CSMD1: variants seen among roughly 807,000 people sequenced by gnomAD.
The protein encoded by CSMD1 is CUB and sushi domain-containing protein 1.
In CSMD1, 213 loss-of-function variants were observed where a neutral mutation model predicts 417.5. The ratio of observed to expected loss-of-function variants is 0.51; its 90% CI spans 0.46 to 0.57. The LOEUF is 0.57. Among genes scored for constraint, CSMD1 ranks in the 20% least tolerant of loss-of-function variants. The pLI is 0.00. For missense variants in CSMD1, 6,923 were observed against 4,529.7 expected, an observed-to-expected ratio of 1.53 and a Z score of -15.17; for synonymous variants, 2,862 against 1,736.8, an observed-to-expected ratio of 1.65 and a Z score of -16.11.
chr8:4,879,921 CT>C (rs2116950400), intron 1 of CSMD1, among the ~76,000 whole-genome samples: 1 of 152,220 alleles, frequency 6.6e-6, no homozygotes, highest in East Asian at 1.9e-4. Context: ...ATCTCATTAA[CT>C]TCCCAACCAG....
intron 5 of CSMD1, among the ~76,000 whole-genome samples, chr8:3,910,347 G>T (rs1808383748): frequency 6.6e-6 from 1 of 152,236 alleles, no homozygotes; most frequent in East Asian, 1.9e-4. Context: ...CGACAGGGTG[G>T]CAGGTGCACC....
chr8:3,787,610 T>C (rs1799516107), intron 5 of CSMD1, among the ~76,000 whole-genome samples: 1 of 152,186 alleles, frequency 6.6e-6, no homozygotes, highest in Admixed American at 6.5e-5. Flanking sequence ...CAACAGTTAA[T>C]TCTGTATAAG....
chr8:4,623,326 G>A (rs1195018438), intron 2 of CSMD1, among the ~76,000 whole-genome samples: 14 of 152,052 alleles, frequency 9.2e-5, no homozygotes, highest in Non-Finnish European at 4.4e-5. Flanking sequence ...AAACTAAAAA[G>A]GCTGAGTACA....
chr8:4,011,731 A>G (rs935224574), intron 4 of CSMD1, among the ~76,000 whole-genome samples: 2 of 152,168 alleles, frequency 1.3e-5, no homozygotes, highest in Non-Finnish European at 2.9e-5. Context: ...AGTTATCAGC[A>G]TACTTTTTTC....
chr8:3,562,817 G>A (rs62475827), intron 10 of CSMD1, among the ~76,000 whole-genome samples: 1,600 of 151,786 alleles, frequency 0.011, 13 homozygotes, highest in Non-Finnish European at 0.016. Flanking sequence ...CAACTAAGGC[G>A]CACTAGGCTT....
At chr8:4,797,493 C>A (rs987904131) in intron 1 of CSMD1, among the ~76,000 whole-genome samples, 4 of 152,168 alleles carry the variant, frequency 2.6e-5, no homozygotes, top group African/African-American at 9.7e-5. Context: ...TCATTGTGGT[C>A]TTTGCCAGCA....
intron 5 of CSMD1, among the ~76,000 whole-genome samples, chr8:3,897,018 T>C (rs1807417534): frequency 6.6e-6 from 1 of 152,006 alleles, no homozygotes; most frequent in African/African-American, 2.4e-5. Context: ...AGCAACTTAC[T>C]TGCTCCCTGG....
chr8:3,182,552 G>C (rs1416345767), intron 36 of CSMD1, among the ~76,000 whole-genome samples: 2 of 149,194 alleles, frequency 1.3e-5, no homozygotes, highest in African/African-American at 4.9e-5. Context: ...CCCAGGCAAG[G>C]ACTCTGGCTG....
At chr8:4,791,107 G>GT (rs1797665170) in intron 1 of CSMD1, among the ~76,000 whole-genome samples, 1 of 152,086 alleles carries the variant, frequency 6.6e-6, no homozygotes, top group Non-Finnish European at 1.5e-5. Flanking sequence ...AGAAGAGACG[G>GT]GGAGAAGAGA....
intron 12 of CSMD1, among the ~76,000 whole-genome samples, chr8:3,455,544 G>C (rs912477703): frequency 1.3e-5 from 2 of 152,214 alleles, no homozygotes; most frequent in Non-Finnish European, 2.9e-5. Flanking sequence ...AGGACCCTCA[G>C]CTGCAGGTCT....
intron 1 of CSMD1, among the ~76,000 whole-genome samples, chr8:4,990,704 A>G (rs1811415490): frequency 6.6e-6 from 1 of 152,086 alleles, no homozygotes; most frequent in Non-Finnish European, 1.5e-5. Context: ...CTGCGAAAGT[A>G]TCTTCTTCAC....
chr8:3,441,050 G>A (rs561940706), intron 12 of CSMD1, among the ~76,000 whole-genome samples: 18 of 152,234 alleles, frequency 1.2e-4, no homozygotes, highest in Middle Eastern at 3.4e-3. Context: ...GAATGCCTTT[G>A]TATGAAACAC....
At chr8:4,633,033 T>C (rs1241783336) in intron 2 of CSMD1, among the ~76,000 whole-genome samples, 1 of 152,088 alleles carries the variant, frequency 6.6e-6, no homozygotes, top group African/African-American at 2.4e-5. Flanking sequence ...GTACTAGAAC[T>C]GTTTATGTTG....
chr8:3,711,499 C>T (rs557546778), intron 6 of CSMD1, among the ~76,000 whole-genome samples: 5 of 152,314 alleles, frequency 3.3e-5, no homozygotes, highest in South Asian at 2.1e-4. Flanking sequence ...TCCTGCACTA[C>T]GGAACTCTCA....
intron 37 of CSMD1, among the ~76,000 whole-genome samples, chr8:3,177,702 T>C (rs1264975791): frequency 6.6e-6 from 1 of 152,146 alleles, no homozygotes; most frequent in Admixed American, 6.6e-5. Flanking sequence ...GGGGCCCGTG[T>C]GTTCAATCTT....
chr8:4,885,398 G>T (rs1194161911), intron 1 of CSMD1, among the ~76,000 whole-genome samples: 1 of 151,896 alleles, frequency 6.6e-6, no homozygotes, highest in African/African-American at 2.4e-5. Context: ...AAGGCACATC[G>T]ATGTCTTGTT....
At chr8:4,353,746 T>A (rs1023123537) in intron 3 of CSMD1, among the ~76,000 whole-genome samples, 3 of 140,846 alleles carry the variant, frequency 2.1e-5, no homozygotes. Flanking sequence ...TTCATGGAGA[T>A]TTCTTTTTTT....
At chr8:3,244,198 A>G (rs977301394) in intron 26 of CSMD1, among the ~76,000 whole-genome samples, 2 of 152,220 alleles carry the variant, frequency 1.3e-5, no homozygotes, top group African/African-American at 4.8e-5. Context: ...GCTCCTGGCT[A>G]GGCAGAGATG....
intron 8 of CSMD1, among the ~76,000 whole-genome samples, chr8:3,594,128 C>T (rs977039524): frequency 2.6e-5 from 4 of 152,174 alleles, no homozygotes; most frequent in African/African-American, 7.2e-5. Flanking sequence ...GCTCCTCACT[C>T]TTCACTCTTT....
Sources: allele counts gnomAD v4.1 joint callset (sites outside exome capture counted in the v4.1 genomes callset), GRCh38; gene constraint gnomAD v4.1.1; transcripts MANE v1.5; gene names NCBI Gene and HGNC (gene_info 2026-07-23, HGNC 2026-07-21).